Variants in FAM135B observed in about 807,000 individuals in gnomAD.
FAM135B encodes protein FAM135B.
A neutral mutation model predicts 127.7 loss-of-function variants in FAM135B; 43 were observed. The ratio of observed to expected loss-of-function variants is 0.34; its 90% CI spans 0.26 to 0.43. The LOEUF (loss-of-function observed/expected upper bound fraction) is 0.43. Among genes scored for constraint, FAM135B ranks in the 20% least tolerant of loss-of-function variants. FAM135B has a pLI of 1.00. For missense variants in FAM135B, 1,558 were observed against 1,725.6 expected (o/e 0.90, Z 1.72); for synonymous variants, 670 against 665.1 (o/e 1.01, Z -0.11).
At chr8:138,408,475 A>G (rs1048711993) in intron 1 of FAM135B, among the ~76,000 whole-genome samples, 1 of 152,152 alleles carries the variant, frequency 6.6e-6, no homozygotes, top group South Asian at 2.1e-4. Flanking sequence ...CTCAGCCACT[A>G]TAGAATTGAA....
chr8:138,342,104 C>G (rs2131064284), intron 2 of FAM135B, among the ~76,000 whole-genome samples: 1 of 152,326 alleles, frequency 6.6e-6, no homozygotes, highest in African/African-American at 2.4e-5. Flanking sequence ...ATCTCCACAT[C>G]TCTTCACCCA....
rs1030876307 is a variant in FAM135B, at chr8:138,132,383, T to C, written c.*210A>G. On this transcript the variant is annotated 3_prime_UTR_variant, in exon 20 of 20. Transcript: ENST00000395297. This position sits in a 1 kb window ranked among gnomAD's most constrained non-coding sequence, Gnocchi z 4.5. Reference sequence around the variant, plus strand: ...TGACACTCCAGGTAACTATACAAATTCAAGCAAAGTTTGTTGTCATTTAGT... The same window carrying C: ...TGACACTCCAGGTAACTATACAAATCCAAGCAAAGTTTGTTGTCATTTAGT... 7.3e-6 allele frequency: 4 copies of C among 547,470 alleles called. No homozygotes were observed. The African/African-American group carries it at 7.6e-5, about 10-fold the overall frequency. 33.9% of individuals were successfully genotyped at this position (547,470 alleles called of 1,614,324 possible).
intron 1 of FAM135B, chr8:138,441,231 C>G (rs1835745838): frequency 6.6e-6 from 1 of 152,226 alleles, no homozygotes; most frequent in Non-Finnish European, 1.5e-5. Flanking sequence ...TCTATCAACT[C>G]AGCTCTGATG....
intron 11 of FAM135B, among the ~76,000 whole-genome samples, chr8:138,174,376 C>G (rs1377239243): frequency 6.6e-6 from 1 of 152,160 alleles, no homozygotes; most frequent in Non-Finnish European, 1.5e-5. Context: ...CTTTCTCCAG[C>G]TCTGACCTCC....
At chr8:138,353,563 T>C (rs980517897) in intron 2 of FAM135B, among the ~76,000 whole-genome samples, 6 of 152,198 alleles carry the variant, frequency 3.9e-5, no homozygotes, top group African/African-American at 1.4e-4. Context: ...TTGTGAATTT[T>C]CTCTTTAGAG....
At position 138,483,921 on chromosome 8, in the gene FAM135B, A is replaced by T. The variant is rs114074077; in HGVS notation, c.-20+12750T>A. 6.9e-3 allele frequency among the ~76,000 whole-genome samples: 1,058 copies of T among 152,324 alleles called. 14 individuals are homozygous for T. Among genetic ancestry groups the T allele is most frequent in the African/African-American group, 0.024 (1,005 of 41,584 alleles). Reference sequence around the variant, plus strand: ...CACATACATTAATCACTGAATTTTGAATAAAAATATCTAGGGGGACACTGA... The same window carrying T: ...CACATACATTAATCACTGAATTTTGTATAAAAATATCTAGGGGGACACTGA... On this transcript the variant is annotated intron_variant, in intron 1 of 19. Coordinates refer to ENST00000395297, the MANE Select transcript of FAM135B (RefSeq NM_015912.4).
intron 2 of FAM135B, among the ~76,000 whole-genome samples, chr8:138,334,131 C>G (rs1828380152): frequency 6.6e-6 from 1 of 152,166 alleles, no homozygotes; most frequent in Non-Finnish European, 1.5e-5. Context: ...CCATGTTTGC[C>G]AGGCTGGTCT....
chr8:138,283,241 C>T (rs1033210707), intron 3 of FAM135B, among the ~76,000 whole-genome samples: 1 of 152,104 alleles, frequency 6.6e-6, no homozygotes, highest in Non-Finnish European at 1.5e-5. Flanking sequence ...GATAAATAAA[C>T]TGTGGTACGT....
chr8:138,473,231 C>G (rs1021359646), intron 1 of FAM135B, among the ~76,000 whole-genome samples: 8 of 152,072 alleles, frequency 5.3e-5, no homozygotes, highest in African/African-American at 1.4e-4. Flanking sequence ...ACATGCTGAC[C>G]TAATGTCTAG....
chr8:138,344,920 G>A (rs1829309890), intron 2 of FAM135B, among the ~76,000 whole-genome samples: 1 of 152,148 alleles, frequency 6.6e-6, no homozygotes, highest in Non-Finnish European at 1.5e-5. Context: ...ATCATAGCAT[G>A]TATTTCAAAC....
chr8:138,418,482 A>G lies in FAM135B; in HGVS notation c.-19-50480T>C, dbSNP rs369511051. On this transcript the variant is annotated intron_variant, in intron 1 of 19. Transcript: ENST00000395297. ...ACAAGATGACCATTCAAAATTAGTT[A>G]TAGACACATAGTCATCAGATTCTCC... Among the ~76,000 whole-genome samples the G allele has an allele frequency of 2.2e-4, 34 of 152,164 alleles. No homozygotes were observed. In the East Asian group the frequency reaches 4.9e-3, roughly 22 times the overall value.
intron 1 of FAM135B, among the ~76,000 whole-genome samples, chr8:138,371,571 G>C (rs1240194643): frequency 6.6e-6 from 1 of 152,150 alleles, no homozygotes; most frequent in East Asian, 1.9e-4. Context: ...CATACATCAT[G>C]CTCAGGAAGA....
chr8:138,130,320 T>C lies in FAM135B; in HGVS notation c.*2273A>G, dbSNP rs1816099883. On this transcript the variant is annotated 3_prime_UTR_variant, in exon 20 of 20. Coordinates refer to ENST00000395297, the MANE Select transcript of FAM135B (RefSeq NM_015912.4). Reference sequence around the variant, plus strand: ...CAACACTCGACACTCTTATTTACAATATAGAGATGTACTTTCTACACAATT... The same window carrying C: ...CAACACTCGACACTCTTATTTACAACATAGAGATGTACTTTCTACACAATT... 1 of 152,022 alleles carries C rather than the reference T, an allele frequency of 6.6e-6. No homozygotes were observed. The highest frequency in any genetic ancestry group is 1.5e-5 in the Non-Finnish European group (1 of 68,018). 9.4% of individuals were successfully genotyped at this position (152,022 alleles called of 1,614,324 possible). A position where few individuals can be genotyped will look rare whatever the true frequency, so the allele number is the denominator to read the frequency against.
chr8:138,438,258 C>T (rs1443221363), intron 1 of FAM135B: 1 of 152,100 alleles, frequency 6.6e-6, no homozygotes, highest in Non-Finnish European at 1.5e-5. Flanking sequence ...AATTTCACAC[C>T]TCTTATCTAA....
At chr8:138,495,404 C>T (rs888234708) in intron 1 of FAM135B, among the ~76,000 whole-genome samples, 5 of 152,222 alleles carry the variant, frequency 3.3e-5, no homozygotes, top group African/African-American at 7.2e-5. Flanking sequence ...GCTCTGATAA[C>T]ATCATCCATA....
chr8:138,364,985 T>A (rs1830653554), intron 2 of FAM135B, among the ~76,000 whole-genome samples: 1 of 152,072 alleles, frequency 6.6e-6, no homozygotes, highest in Admixed American at 6.6e-5. Context: ...TAGCTGAAAT[T>A]ACAAGTGCCC....
At chr8:138,190,515 G>A (rs1047704658) in intron 9 of FAM135B, among the ~76,000 whole-genome samples, 2 of 152,182 alleles carry the variant, frequency 1.3e-5, no homozygotes, top group Admixed American at 1.3e-4. Flanking sequence ...TTTACCCTAA[G>A]ATATAGTTAT....
intron 2 of FAM135B, among the ~76,000 whole-genome samples, chr8:138,358,726 T>A (rs1187984486): frequency 1.3e-5 from 2 of 152,168 alleles, no homozygotes; most frequent in Non-Finnish European, 2.9e-5. Context: ...TTACTCTACT[T>A]AAGAGACCTC....
chr8:138,491,129 C>T (rs1268656552), intron 1 of FAM135B, among the ~76,000 whole-genome samples: 4 of 127,032 alleles, frequency 3.1e-5, no homozygotes, highest in Non-Finnish European at 6.3e-5. Flanking sequence ...GCAACAAGAG[C>T]GAAACTCTCT....
Sources: gnomAD v4.1 joint callset for allele counts (sites outside exome capture counted in the v4.1 genomes callset) on GRCh38, gnomAD v4.1.1 for gene constraint, Gnocchi (gnomAD v3.1) non-coding constraint, MANE v1.5 for transcripts, NCBI Gene and HGNC (gene_info 2026-07-23, HGNC 2026-07-21) for gene names.